The following HERC3 variants were observed in gnomAD, a reference collection of about 807,000 sequenced individuals.
HERC3 encodes probable E3 ubiquitin-protein ligase HERC3.
In HERC3, 58 loss-of-function variants were observed where a neutral mutation model predicts 129.9. The observed-to-expected ratio is 0.45, with a 90% CI of 0.36 to 0.56. The LOEUF (loss-of-function observed/expected upper bound fraction) is 0.56. HERC3 is among the 20% of genes least tolerant of loss of function. The pLI is 0.00. For synonymous variants in HERC3, 430 were observed against 451.0 expected (o/e 0.95, Z 0.59); for missense variants, 835 against 1,244.2 (o/e 0.67, Z 4.95).
chr4:88,704,321 A>G (rs1356707164), intron 24 of HERC3, 40 bp downstream of exon 24: 1 of 1,595,180 alleles, frequency 6.3e-7, no homozygotes, highest in African/African-American at 1.3e-5. Flanking sequence ...AACTCCGGCG[A>G]AGCAGCAGCA....
chr4:88,600,689 A>G (rs1437469989), intron 2 of HERC3, among the ~76,000 whole-genome samples: 1 of 152,186 alleles, frequency 6.6e-6, no homozygotes, highest in Non-Finnish European at 1.5e-5. Context: ...AGCTCTCTCC[A>G]GGGGAGGCCT....
At chr4:88,585,642 GA>G in the HERC3 span, among the ~76,000 whole-genome samples, 1 of 151,164 alleles carries the variant, frequency 6.6e-6, no homozygotes, top group Non-Finnish European at 1.5e-5. Flanking sequence ...TTCCTTTCTG[GA>G]AACTTTATTT....
At chr4:88,551,158 G>A in the HERC3 span, among the ~76,000 whole-genome samples, 1 of 151,936 alleles carries the variant, frequency 6.6e-6, no homozygotes, top group African/African-American at 2.4e-5. Context: ...AGACTTAAAC[G>A]TTAGACCTAA....
chr4:88,702,595 C>T (rs1323975476), intron 23 of HERC3, among the ~76,000 whole-genome samples: 1 of 152,186 alleles, frequency 6.6e-6, no homozygotes, highest in Non-Finnish European at 1.5e-5. Context: ...TGGTTTCCAT[C>T]ATATGACTCT....
chr4:88,597,258 T>C (rs1056502432), intron 2 of HERC3, among the ~76,000 whole-genome samples: 43 of 152,246 alleles, frequency 2.8e-4, no homozygotes, highest in African/African-American at 1.0e-3. Flanking sequence ...TCTTCACTTG[T>C]ATTAGTCACA....
chr4:88,688,575 A>G (rs1733724162), intron 23 of HERC3, among the ~76,000 whole-genome samples: 1 of 152,210 alleles, frequency 6.6e-6, no homozygotes, highest in African/African-American at 2.4e-5. Flanking sequence ...TTCTAATTCA[A>G]ACACTAATAG....
At chr4:88,548,596 C>G in the HERC3 span, among the ~76,000 whole-genome samples, 10 of 150,726 alleles carry the variant, frequency 6.6e-5, no homozygotes, top group Admixed American at 5.3e-4. Context: ...TCTATATATT[C>G]TGGATACAAT....
rs1267940326 is a variant in HERC3, at chr4:88,649,946, G to T, written c.333G>T (p.Gly111=). ...DRGQLFSWGA[G]SDGQLGLMTT... is the part of the protein sequence containing the mutation. ...GCCAGCTGTTTTCTTGGGGTGCAGG[G>T]AGTGATGGTCAGCTAGGACTCATGA... The change falls in exon 4 of 26, where the codon GGG becomes GGT. Residue 111 remains glycine, a synonymous_variant. Transcript: ENST00000402738. 1.2e-6 allele frequency: 2 copies of T among 1,614,126 alleles called. No individual in the cohort carries two copies. The highest frequency in any genetic ancestry group is 8.5e-7 in the Non-Finnish European group (1 of 1,180,004).
At chr4:88,623,172 T>G (rs2149225144) in intron 3 of HERC3, among the ~76,000 whole-genome samples, 1 of 152,338 alleles carries the variant, frequency 6.6e-6, no homozygotes, top group South Asian at 2.1e-4. Context: ...AGATTTCTGG[T>G]CGTCCTGAAG....
At chr4:88,533,128 A>G in the HERC3 span, among the ~76,000 whole-genome samples, 2 of 152,352 alleles carry the variant, frequency 1.3e-5, no homozygotes, top group African/African-American at 4.8e-5. Flanking sequence ...ATGTATGTCC[A>G]AGAGTCCAAA....
chr4:88,673,814 T>C (rs1037667418), intron 16 of HERC3, among the ~76,000 whole-genome samples: 2 of 152,232 alleles, frequency 1.3e-5, no homozygotes, highest in East Asian at 1.9e-4. Context: ...TGTGGATGTA[T>C]AAGCAGACCT....
intron 3 of HERC3, among the ~76,000 whole-genome samples, chr4:88,643,718 C>T (rs927422376): frequency 6.6e-6 from 1 of 152,146 alleles, no homozygotes; most frequent in Non-Finnish European, 1.5e-5. Context: ...ATCTGAATCT[C>T]ACAGCTTTTT....
chr4:88,682,002 G>A (rs1303235968), intron 21 of HERC3, among the ~76,000 whole-genome samples: 1 of 152,188 alleles, frequency 6.6e-6, no homozygotes, highest in Non-Finnish European at 1.5e-5. Context: ...CATGGATGTG[G>A]AACATGTGAA....
rs117223839 is a variant in HERC3, at chr4:88,647,846, A to T, written c.227-1994A>T. On this transcript the variant is annotated intron_variant, in intron 3 of 25. Transcript: ENST00000402738. ...TTTGCTGCTTACCTTTATGTCTCTA[A>T]ATAACATGCTTATAATATTATTTCT... Among the ~76,000 whole-genome samples the T allele has an allele frequency of 1.0e-3, 154 of 149,960 alleles. No homozygotes were observed. The East Asian group carries it at 0.018, about 17-fold the overall frequency.
chr4:88,645,205 G>A (rs926701614), intron 3 of HERC3, among the ~76,000 whole-genome samples: 1 of 152,232 alleles, frequency 6.6e-6, no homozygotes, highest in South Asian at 2.1e-4. Context: ...GGAAAGATGT[G>A]CAGGAGGGTA....
chr4:88,601,413 A>C (rs1261806104), intron 2 of HERC3, among the ~76,000 whole-genome samples: 1 of 152,232 alleles, frequency 6.6e-6, no homozygotes, highest in Non-Finnish European at 1.5e-5. Flanking sequence ...CCATTTGGGC[A>C]TGCTTTTATC....
intron 3 of HERC3, among the ~76,000 whole-genome samples, chr4:88,646,987 C>T (rs1253914858): frequency 1.3e-5 from 2 of 152,142 alleles, no homozygotes; most frequent in Non-Finnish European, 2.9e-5. Flanking sequence ...TTAACCTCTA[C>T]TCAACTACTT....
chr4:88,560,595 TC>T, the HERC3 span, among the ~76,000 whole-genome samples: 4 of 152,174 alleles, frequency 2.6e-5, no homozygotes, highest in Non-Finnish European at 4.4e-5. Flanking sequence ...TTTGATTTAG[TC>T]CCATTTATTT....
the HERC3 span, among the ~76,000 whole-genome samples, chr4:88,565,754 C>T: frequency 3.3e-5 from 5 of 151,948 alleles, no homozygotes; most frequent in Non-Finnish European, 7.4e-5. Context: ...CTTACTCCTG[C>T]CATTTTGTTG....
Sources: allele counts gnomAD v4.1 joint callset (sites outside exome capture counted in the v4.1 genomes callset), GRCh38; gene constraint gnomAD v4.1.1; transcripts MANE v1.5; gene names NCBI Gene and HGNC (gene_info 2026-07-23, HGNC 2026-07-21).